COPG2: variants seen among roughly 807,000 people sequenced by gnomAD.
COPG2 encodes the protein coatomer subunit gamma-2.
Under a neutral mutation model 46.3 loss-of-function variants are expected in COPG2, and 37 were observed. The ratio of observed to expected loss-of-function variants is 0.80; its 90% confidence interval spans 0.61 to 1.05. The LOEUF is 1.05. Among genes scored for constraint, COPG2 ranks in the 50% least tolerant of loss-of-function variants. COPG2 has a pLI of 0.00. For synonymous variants in COPG2, 159 were observed against 129.7 expected (o/e 1.23, Z -1.53); for missense variants, 427 against 387.8 (o/e 1.10, Z -0.85).
At chr7:130,631,014 T>C (rs1279550846) in intron 5 of COPG2, among the ~76,000 whole-genome samples, 1 of 151,926 alleles carries the variant, frequency 6.6e-6, no homozygotes, top group Non-Finnish European at 1.5e-5. Flanking sequence ...CCCCATCTCT[T>C]AAAAAAAATC....
intron 5 of COPG2, among the ~76,000 whole-genome samples, chr7:130,628,680 C>T (rs916064512): frequency 6.6e-6 from 1 of 152,100 alleles, no homozygotes; most frequent in African/African-American, 2.4e-5. Context: ...TTCCTTCTAT[C>T]TGAAGAATAT....
intron 5 of COPG2, among the ~76,000 whole-genome samples, chr7:130,644,211 G>A (rs1476468944): frequency 6.6e-6 from 1 of 152,130 alleles, no homozygotes; most frequent in African/African-American, 2.4e-5. Flanking sequence ...GGGGTGGAAA[G>A]GGCTACTTTG....
chr7:130,595,515 ATC>A (rs1348917876), intron 9 of COPG2, among the ~76,000 whole-genome samples: 1 of 152,242 alleles, frequency 6.6e-6, no homozygotes, highest in African/African-American at 2.4e-5. Context: ...TATGAGTTAC[ATC>A]TCAAAAGTTA....
chr7:130,653,972 A>C (rs1405055873), intron 4 of COPG2, among the ~76,000 whole-genome samples: 1 of 152,122 alleles, frequency 6.6e-6, no homozygotes, highest in Non-Finnish European at 1.5e-5. Flanking sequence ...TTTAAAGAAA[A>C]AAAAAGTTCT....
intron 20 of COPG2, among the ~76,000 whole-genome samples, chr7:130,522,342 G>GTCCC (rs1300730446): frequency 2.6e-5 from 4 of 152,206 alleles, no homozygotes; most frequent in African/African-American, 9.7e-5. Context: ...AATGCATGAT[G>GTCCC]GGGATAAGAG....
chr7:130,623,669 T>C (rs1795072906), intron 5 of COPG2, among the ~76,000 whole-genome samples: 1 of 152,160 alleles, frequency 6.6e-6, no homozygotes, highest in Non-Finnish European at 1.5e-5. Context: ...AAAATTTTTA[T>C]AACATTGAGT....
rs957392974 is a variant in COPG2, at chr7:130,539,011, A to G, written c.2149+8663T>C. On this transcript the variant is annotated intron_variant, in intron 20 of 23. Coordinates refer to ENST00000425248, the MANE Select transcript of COPG2 (RefSeq NM_012133.6). ...GGATAGGATGAAGGTTTGGGTGCTG[A>G]TACGGGGGCTTCATTTTTGGAAACT... 3.3e-5 allele frequency among the ~76,000 whole-genome samples: 5 copies of G among 152,240 alleles called. No homozygotes were observed. In the South Asian group the frequency reaches 6.2e-4, roughly 19 times the overall value.
At chr7:130,643,956 G>A (rs1554457701) in intron 5 of COPG2, among the ~76,000 whole-genome samples, 2 of 152,160 alleles carry the variant, frequency 1.3e-5, no homozygotes, top group African/African-American at 4.8e-5. Flanking sequence ...GTGACAGAGA[G>A]AGACCCTATC....
intron 9 of COPG2, among the ~76,000 whole-genome samples, chr7:130,586,460 TG>T (rs1794271465): frequency 6.6e-6 from 1 of 151,934 alleles, no homozygotes; most frequent in African/African-American, 2.4e-5. Context: ...CAATAACTTA[TG>T]GAAAAAAAAA....
At chr7:130,634,134 AGTTTG>A (rs1795285754) in intron 5 of COPG2, among the ~76,000 whole-genome samples, 1 of 152,126 alleles carries the variant, frequency 6.6e-6, no homozygotes, top group African/African-American at 2.4e-5. Flanking sequence ...CTTGTAGTAT[AGTTTG>A]AAGTCAGGTA....
At chr7:130,653,035 A>G (rs974474604) in intron 4 of COPG2, 87 bp from the exon 5 acceptor site, 2 of 785,932 alleles carry the variant, frequency 2.5e-6, no homozygotes, top group Non-Finnish European at 2.0e-6. Context: ...AAGTAGATAT[A>G]TATTTTAGAA....
intron 5 of COPG2, among the ~76,000 whole-genome samples, chr7:130,618,332 A>G (rs561367671): frequency 3.3e-5 from 5 of 152,076 alleles, no homozygotes; most frequent in Non-Finnish European, 5.9e-5. Flanking sequence ...TCCTCTGACC[A>G]TAGCTTTAGT....
chr7:130,518,233 T>G (rs1799694658), intron 20 of COPG2, among the ~76,000 whole-genome samples: 1 of 152,178 alleles, frequency 6.6e-6, no homozygotes. Context: ...TGTGCAATAT[T>G]TGGTTTCTTT....
Position 130,617,106 on chromosome 7 carries a change from T to A in COPG2, c.324-41A>T, listed in dbSNP as rs781932226. 2.3e-5 allele frequency: 32 copies of A among 1,365,988 alleles called. No individual in the cohort carries two copies. In the South Asian group the frequency reaches 3.6e-4, roughly 15 times the overall value. 84.6% of individuals were successfully genotyped at this position (1,365,988 alleles called of 1,614,324 possible). A position where few individuals can be genotyped will look rare whatever the true frequency, so the allele number is the denominator to read the frequency against. On this transcript the variant is annotated intron_variant, in intron 5 of 23. Coordinates refer to ENST00000425248, the MANE Select transcript of COPG2 (RefSeq NM_012133.6). ...TTGGTTAACATAAGATCAATTAAAATCTCTCCCATGGAGTTCACCCCTAGC... is the reference window on the plus strand; with the variant it reads ...TTGGTTAACATAAGATCAATTAAAAACTCTCCCATGGAGTTCACCCCTAGC...
chr7:130,657,955 T>A (rs1795889580), intron 4 of COPG2, among the ~76,000 whole-genome samples: 1 of 152,162 alleles, frequency 6.6e-6, no homozygotes, highest in African/African-American at 2.4e-5. Context: ...CGGGAATGAT[T>A]ACAAATATTT....
chr7:130,550,024 TG>T (rs1793510104), intron 17 of COPG2, among the ~76,000 whole-genome samples: 1 of 152,214 alleles, frequency 6.6e-6, no homozygotes. Flanking sequence ...CCCTTCATTT[TG>T]GAGTGCATTT....
chr7:130,668,268 G>C (rs959749985), intron 1 of COPG2, among the ~76,000 whole-genome samples: 1 of 152,048 alleles, frequency 6.6e-6, no homozygotes, highest in Non-Finnish European at 1.5e-5. Flanking sequence ...GCTCCCACTA[G>C]GGGTCCGACC....
intron 5 of COPG2, among the ~76,000 whole-genome samples, chr7:130,637,004 A>C (rs1795350661): frequency 6.6e-6 from 1 of 152,170 alleles, no homozygotes; most frequent in Admixed American, 6.5e-5. Context: ...CTGGATATAA[A>C]ATTCCGGGCT....
intron 4 of COPG2, among the ~76,000 whole-genome samples, chr7:130,661,068 G>C (rs146522634): frequency 6.6e-6 from 1 of 152,170 alleles, no homozygotes; most frequent in African/African-American, 2.4e-5. Flanking sequence ...CATGTAGCTG[G>C]AGAAAAACAT....
Sources: allele counts gnomAD v4.1 joint callset (sites outside exome capture counted in the v4.1 genomes callset), GRCh38; gene constraint gnomAD v4.1.1; transcripts MANE v1.5; gene names NCBI Gene and HGNC (gene_info 2026-07-23, HGNC 2026-07-21).